SLC17A5: variants seen among roughly 807,000 people sequenced by gnomAD.
The protein encoded by SLC17A5 is sialin.
A neutral mutation model predicts 59.4 loss-of-function variants in SLC17A5; 47 were observed. The ratio of observed to expected loss-of-function variants is 0.79; its 90% CI spans 0.63 to 1.01. The LOEUF (loss-of-function observed/expected upper bound fraction) is 1.01. Ranked by LOEUF, SLC17A5 falls within the 50% of genes least tolerant of loss-of-function variation. The pLI is 0.00. For synonymous variants in SLC17A5, 202 were observed against 210.7 expected (o/e 0.96, Z 0.36); for missense variants, 522 against 595.5 (o/e 0.88, Z 1.28).
chr6:73,619,000 C>T (rs549248302), intron 7 of SLC17A5, among the ~76,000 whole-genome samples: 3 of 152,168 alleles, frequency 2.0e-5, no homozygotes, highest in East Asian at 1.9e-4. Flanking sequence ...GTGCTAGGTG[C>T]GTGAGCCACT....
At chr6:73,598,452 G>A (rs1224913589) in intron 10 of SLC17A5, among the ~76,000 whole-genome samples, 1 of 151,964 alleles carries the variant, frequency 6.6e-6, no homozygotes, top group African/African-American at 2.4e-5. Context: ...CCAACATGGT[G>A]AAACCCCATC....
At chr6:73,632,981 C>T (rs1266753456) in intron 6 of SLC17A5, among the ~76,000 whole-genome samples, 1 of 151,844 alleles carries the variant, frequency 6.6e-6, no homozygotes, top group East Asian at 1.9e-4. Context: ...TCTAAACTTT[C>T]AAAGTAACTT....
intron 6 of SLC17A5, among the ~76,000 whole-genome samples, chr6:73,634,025 C>T (rs944843486): frequency 6.6e-6 from 1 of 151,990 alleles, no homozygotes; most frequent in African/African-American, 2.4e-5. Flanking sequence ...TTTAATCTTT[C>T]CTAATGTTTT....
intron 6 of SLC17A5, among the ~76,000 whole-genome samples, chr6:73,629,263 C>T (rs9446952): frequency 0.16 from 24,855 of 151,980 alleles, 3,140 homozygotes; most frequent in African/African-American, 0.35. Context: ...TGGTACACAC[C>T]TGTCGTCCCA....
intron 6 of SLC17A5, among the ~76,000 whole-genome samples, chr6:73,630,906 T>C (rs1703464): frequency 0.16 from 23,665 of 149,720 alleles, 3,031 homozygotes; most frequent in African/African-American, 0.34. Flanking sequence ...ATTAGCTGGG[T>C]GTGGTGGTGC....
rs1766706185 is a variant in SLC17A5 at position 73,594,385 on chromosome 6, GAGGATGT to G, written c.*685_*691del. 2 of 153,646 alleles carry G rather than the reference GAGGATGT, an allele frequency of 1.3e-5. No individual in the cohort carries two copies. The highest frequency in any genetic ancestry group is 4.8e-5 in the African/African-American group (2 of 41,584). 9.5% of individuals were successfully genotyped at this position (153,646 alleles called of 1,614,324 possible). On this transcript the variant is annotated 3_prime_UTR_variant, in exon 11 of 11. Transcript: ENST00000355773. ...CCTCTGTGCTGGGAAGGGAAAGTTT[GAGGATGT>G]ATCAAGACCATAGCAGTGGATCTCA...
In SLC17A5 at chr6:73,595,317, A is replaced by G. The variant is rs558563217; in HGVS notation, c.1351-103T>C. 1.0e-5 allele frequency: 13 copies of G among 1,303,600 alleles called. No homozygotes were observed. In the East Asian group the frequency reaches 2.7e-4, roughly 27 times the overall value. 80.8% of individuals were successfully genotyped at this position (1,303,600 alleles called of 1,614,324 possible). On this transcript the variant is annotated intron_variant, in intron 10 of 10. Coordinates refer to ENST00000355773, the MANE Select transcript of SLC17A5 (RefSeq NM_012434.5). ...GAGTGTTAAAACAGCCACATTATTC[A>G]TAAAAGCCTCATCCTTGAAACAACC... is the stretch of plus-strand genomic sequence containing the variant.
chr6:73,612,567 C>T (rs475459), intron 8 of SLC17A5, among the ~76,000 whole-genome samples: 63,083 of 151,614 alleles, frequency 0.42, 13,901 homozygotes, highest in African/African-American at 0.56. Flanking sequence ...TTTATTTCTA[C>T]GTACATTTTT....
chr6:73,644,021 T>A (rs1459990665), intron 2 of SLC17A5, among the ~76,000 whole-genome samples: 1 of 152,198 alleles, frequency 6.6e-6, no homozygotes, highest in African/African-American at 2.4e-5. Context: ...CAACTGAGAT[T>A]ACCTAAACTC....
intron 1 of SLC17A5, among the ~76,000 whole-genome samples, chr6:73,649,788 T>G (rs1342905709): frequency 1.3e-5 from 2 of 152,122 alleles, no homozygotes; most frequent in African/African-American, 4.8e-5. Flanking sequence ...ATTGAGGTTA[T>G]TTCTTAGGAA....
At chr6:73,612,541 G>A (rs1195536373) in intron 8 of SLC17A5, among the ~76,000 whole-genome samples, 1 of 152,082 alleles carries the variant, frequency 6.6e-6, no homozygotes, top group Non-Finnish European at 1.5e-5. Flanking sequence ...AAAGTTAAAT[G>A]ATTGTCTTAG....
intron 9 of SLC17A5, among the ~76,000 whole-genome samples, chr6:73,601,648 AG>A (rs1438846332): frequency 5.7e-5 from 4 of 70,672 alleles, no homozygotes; most frequent in African/African-American, 2.5e-4. Context: ...GGGGGGGGTC[AG>A]CCCCCCGCCC....
chr6:73,625,902 C>T (rs1768386974), intron 6 of SLC17A5, among the ~76,000 whole-genome samples: 1 of 152,180 alleles, frequency 6.6e-6, no homozygotes, highest in Admixed American at 6.5e-5. Context: ...TTGGGACCCA[C>T]TGCTGTAGAG....
chr6:73,653,642 C>G (rs1396945153), intron 1 of SLC17A5, 151 bp downstream of exon 1: 1 of 979,682 alleles, frequency 1.0e-6, no homozygotes, highest in East Asian at 2.8e-5. Context: ...GAGCGGCACT[C>G]TGAACGGGCT....
In SLC17A5 at chr6:73,615,680, C is replaced by T. The variant is rs485802; in HGVS notation, c.979-233G>A. 0.42 allele frequency among the ~76,000 whole-genome samples: 63,963 copies of T among 151,894 alleles called. 14,326 individuals are homozygous for T. The highest frequency in any genetic ancestry group is 0.57 in the African/African-American group (23,633 of 41,392). ...AGAGGGAAATAAGCCTTGCCCTAGT[C>T]CTGTCTGCTTCGGGTAATCTTGACT... On this transcript the variant is annotated intron_variant, in intron 7 of 10. Transcript: ENST00000355773.
chr6:73,624,535 A>G (rs977796365), intron 6 of SLC17A5, among the ~76,000 whole-genome samples: 1 of 152,222 alleles, frequency 6.6e-6, no homozygotes, highest in Non-Finnish European at 1.5e-5. Context: ...ATTTCTGTAT[A>G]TATTTTATGA....
chr6:73,606,350 A>G, intron 9 of SLC17A5, among the ~76,000 whole-genome samples: 1 of 152,078 alleles, frequency 6.6e-6, no homozygotes. Context: ...GCCTACTTAC[A>G]TTTGGAATAG....
intron 6 of SLC17A5, among the ~76,000 whole-genome samples, chr6:73,622,853 C>T (rs1386062477): frequency 2.0e-5 from 3 of 151,968 alleles, no homozygotes; most frequent in South Asian, 4.1e-4. Context: ...CTATTTATTT[C>T]CATTTTTACT....
In SLC17A5 at chr6:73,615,458, TAAG is replaced by T; in HGVS notation, c.979-14_979-12del. The T allele has an allele frequency of 6.2e-7, 1 of 1,613,434 alleles. No individual in the cohort carries two copies. The highest frequency in any genetic ancestry group is 8.5e-7 in the Non-Finnish European group (1 of 1,179,734). ...AGATAAAAACCCATTCTGGAAGGAA[TAAG>T]AAGATACAGGATTAATTACGGTGAG... On this transcript the variant is annotated splice_polypyrimidine_tract_variant and intron_variant, in intron 7 of 10. Coordinates refer to ENST00000355773, the MANE Select transcript of SLC17A5 (RefSeq NM_012434.5).
Sources: gnomAD v4.1 joint callset for allele counts (sites outside exome capture counted in the v4.1 genomes callset) on GRCh38, gnomAD v4.1.1 for gene constraint, MANE v1.5 for transcripts, NCBI Gene and HGNC (gene_info 2026-07-23, HGNC 2026-07-21) for gene names.